TRIM23: variants seen among roughly 807,000 people sequenced by gnomAD.
The protein encoded by TRIM23 is tripartite motif containing 23.
Under a neutral mutation model 71.0 loss-of-function variants are expected in TRIM23, and 27 were observed. The ratio of observed to expected loss-of-function variants is 0.38; its 90% CI spans 0.28 to 0.52. The LOEUF is 0.52. TRIM23 is among the 20% of genes least tolerant of loss of function. The pLI is 0.84. For missense variants in TRIM23, 482 were observed against 692.3 expected (o/e 0.70, Z 3.41); for synonymous variants, 234 against 238.0 (o/e 0.98, Z 0.16).
intron 2 of TRIM23, 88 bp from the exon 3 acceptor site, chr5:65,614,307 G>A (rs2150638783): frequency 8.1e-7 from 1 of 1,241,614 alleles, no homozygotes; most frequent in Non-Finnish European, 1.1e-6. Context: ...TTCTAATATA[G>A]TTCAGTAGTT....
chr5:65,613,906 A>G, intron 3 of TRIM23, 192 bp downstream of exon 3: 2 of 1,491,030 alleles, frequency 1.3e-6, no homozygotes, highest in Non-Finnish European at 1.8e-6. Context: ...TAGTTTAGGC[A>G]TAGGATTTTC....
At position 65,591,385 on chromosome 5, in the gene TRIM23, G is replaced by C. The variant is rs550873011; in HGVS notation, c.*384C>G. The C allele has an allele frequency of 7.7e-6, 12 of 1,551,034 alleles. No individual in the cohort carries two copies. In the East Asian group the frequency reaches 1.7e-4, roughly 22 times the overall value. ...AGCTATACTTCACTTGCTTCACACA[G>C]AGGTCTCATTAGGCACTCAATTGGC... On this transcript the variant is annotated 3_prime_UTR_variant, in exon 11 of 11. Transcript: ENST00000231524.
In TRIM23 at chr5:65,597,092, T is replaced by C; in HGVS notation, c.1268A>G (p.Lys423Arg). 1 of 1,614,182 alleles carries C rather than the reference T, an allele frequency of 6.2e-7. No individual in the cohort carries two copies. The highest frequency in any genetic ancestry group is 8.5e-7 in the Non-Finnish European group (1 of 1,180,014). Residue 423 changes from lysine to arginine, a missense_variant, in exon 8 of 11, where the codon AAG (lysine) becomes AGG (arginine). Physicochemically the swap from Lys to Arg is conservative, Grantham distance 26. Coordinates refer to ENST00000231524, the MANE Select transcript of TRIM23 (RefSeq NM_001656.4). ...CTGCATGAATTCATCCTGTTTTAAC[T>C]TAAACAAGATAGTAGTTTTTCCAGC... Reference protein sequence around the residue: ...DGAGKTTILFKLKQDEFMQPI... With the variant: ...DGAGKTTILFRLKQDEFMQPI...
chr5:65,610,471 T>G (rs1754621351), intron 5 of TRIM23, among the ~76,000 whole-genome samples: 1 of 152,234 alleles, frequency 6.6e-6, no homozygotes, highest in African/African-American at 2.4e-5. Flanking sequence ...CTCTACAATA[T>G]GTACAATCCT....
chr5:65,613,849 G>T, intron 3 of TRIM23: 1 of 1,391,234 alleles, frequency 7.2e-7, no homozygotes, highest in Non-Finnish European at 9.5e-7. Flanking sequence ...CTTTATTCTT[G>T]GTAGAACTGA....
chr5:65,612,898 A>T (rs1470258816), intron 3 of TRIM23, among the ~76,000 whole-genome samples: 1 of 152,228 alleles, frequency 6.6e-6, no homozygotes, highest in Non-Finnish European at 1.5e-5. Flanking sequence ...AATTACAAAA[A>T]ATAACTAATT....
At chr5:65,595,466 G>A (rs1414818962) in intron 9 of TRIM23, among the ~76,000 whole-genome samples, 2 of 151,480 alleles carry the variant, frequency 1.3e-5, no homozygotes, top group African/African-American at 4.9e-5. Flanking sequence ...GCTGAGGCAG[G>A]AGAATGGCGT....
chr5:65,594,955 TGATCCTCTACCTATG>T (rs1256015744), intron 9 of TRIM23, among the ~76,000 whole-genome samples: 1 of 152,242 alleles, frequency 6.6e-6, no homozygotes, highest in Non-Finnish European at 1.5e-5. Context: ...ATATGCCTCA[TGATCCTCTACCTATG>T]GATGCTACTT....
At chr5:65,608,096 T>C (rs575144791) in intron 6 of TRIM23, among the ~76,000 whole-genome samples, 2 of 152,336 alleles carry the variant, frequency 1.3e-5, no homozygotes, top group East Asian at 3.9e-4. Flanking sequence ...AGCAATTGTA[T>C]GAAATAACAT....
At chr5:65,597,216 C>A (rs758740966) in intron 7 of TRIM23, 36 bp from the exon 8 acceptor site, 4 of 1,605,560 alleles carry the variant, frequency 2.5e-6, no homozygotes, top group East Asian at 2.2e-5. Flanking sequence ...GTTTGACATG[C>A]AGTTAGAAAG....
At chr5:65,611,459 T>G in intron 4 of TRIM23, 144 bp downstream of exon 4, 1 of 846,822 alleles carries the variant, frequency 1.2e-6, no homozygotes, top group Non-Finnish European at 1.7e-6. Context: ...CTCTCATTTA[T>G]TTTCATGCTA....
chr5:65,609,560 C>G, intron 5 of TRIM23, 102 bp from the exon 6 acceptor site: 2 of 1,276,502 alleles, frequency 1.6e-6, no homozygotes, highest in Admixed American at 2.7e-5. Context: ...AAAACTCTGT[C>G]TCTACAAAAA....
intron 2 of TRIM23, among the ~76,000 whole-genome samples, chr5:65,617,289 T>C (rs1561751783): frequency 6.6e-6 from 1 of 152,194 alleles, no homozygotes; most frequent in East Asian, 1.9e-4. Context: ...TCTTCCAGCC[T>C]AAAATTATAG....
chr5:65,606,463 C>A (rs1754505954), intron 6 of TRIM23, among the ~76,000 whole-genome samples: 1 of 133,082 alleles, frequency 7.5e-6, no homozygotes, highest in African/African-American at 3.0e-5. Flanking sequence ...CCTCCCGCCC[C>A]CGGCCAAAAA....
chr5:65,591,598 C>T lies in TRIM23; in HGVS notation c.*171G>A. On this transcript the variant is annotated 3_prime_UTR_variant, in exon 11 of 11. Coordinates refer to ENST00000231524, the MANE Select transcript of TRIM23 (RefSeq NM_001656.4). ...CTCAATTAGAAATTTAATTCTGCCA[C>T]AAAATTTTTTTAAAGCAAAGTACTG... 1 of 1,268,056 alleles carries T rather than the reference C, an allele frequency of 7.9e-7. No homozygotes were observed. Among genetic ancestry groups the T allele is most frequent in the Non-Finnish European group, 1.0e-6 (1 of 980,240 alleles). 78.6% of individuals were successfully genotyped at this position (1,268,056 alleles called of 1,614,324 possible). A position where few individuals can be genotyped will look rare whatever the true frequency, so the allele number is the denominator to read the frequency against.
At chr5:65,617,953 C>A in intron 2 of TRIM23, 140 bp downstream of exon 2, 1 of 842,838 alleles carries the variant, frequency 1.2e-6, no homozygotes, top group Non-Finnish European at 1.7e-6. Flanking sequence ...AGATTATTGA[C>A]CTTAATAGAA....
intron 2 of TRIM23, 85 bp downstream of exon 2, chr5:65,618,008 A>C: frequency 7.4e-7 from 1 of 1,351,420 alleles, no homozygotes; most frequent in South Asian, 1.7e-5. Flanking sequence ...CATTCTAAAA[A>C]TCAAGTGGAA....
At chr5:65,595,875 A>G (rs1754188040) in intron 9 of TRIM23, among the ~76,000 whole-genome samples, 1 of 152,210 alleles carries the variant, frequency 6.6e-6, no homozygotes, top group African/African-American at 2.4e-5. Context: ...GTTGGGGTCT[A>G]TGAGGCAGAA....
intron 9 of TRIM23, 23 bp from the exon 10 acceptor site, chr5:65,594,668 A>C (rs1234485545): frequency 7.2e-6 from 11 of 1,536,032 alleles, no homozygotes; most frequent in Non-Finnish European, 9.6e-6. Context: ...AAATAAAAAA[A>C]ACAAAAATAG....
Sources: gnomAD v4.1 joint callset for allele counts (sites outside exome capture counted in the v4.1 genomes callset) on GRCh38, gnomAD v4.1.1 for gene constraint, MANE v1.5 for transcripts, NCBI Gene and HGNC (gene_info 2026-07-23, HGNC 2026-07-21) for gene names.